The following MGAT4C variants were observed in gnomAD, a reference collection of about 807,000 sequenced individuals.
MGAT4C encodes MGAT4 family member C.
In MGAT4C, 19 loss-of-function variants were observed where a neutral mutation model predicts 40.1. The observed-to-expected ratio is 0.47, with a 90% CI of 0.33 to 0.70. MGAT4C has a LOEUF of 0.70. Ranked by LOEUF, MGAT4C falls within the 30% of genes least tolerant of loss-of-function variation. The pLI is 0.02. For synonymous variants in MGAT4C, 181 were observed against 187.1 expected (o/e 0.97, Z 0.27); for missense variants, 491 against 563.2 (o/e 0.87, Z 1.30).
intron 3 of MGAT4C, among the ~76,000 whole-genome samples, chr12:86,366,062 T>C (rs1028237831): frequency 1.3e-5 from 2 of 152,218 alleles, no homozygotes; most frequent in Non-Finnish European, 2.9e-5. Context: ...CTATGATTTC[T>C]TTCAGCAGTG....
At chr12:86,288,730 T>C (rs1257334502) in intron 4 of MGAT4C, among the ~76,000 whole-genome samples, 2 of 152,160 alleles carry the variant, frequency 1.3e-5, no homozygotes, top group Admixed American at 1.3e-4. Flanking sequence ...AAAGTGTCTG[T>C]TCATGTTCTT....
At chr12:86,782,693 G>A (rs1407136244) in intron 1 of MGAT4C, among the ~76,000 whole-genome samples, 3 of 151,930 alleles carry the variant, frequency 2.0e-5, no homozygotes, top group Admixed American at 1.3e-4. Context: ...AGATAATTAT[G>A]GTTAATGAGA....
intron 3 of MGAT4C, among the ~76,000 whole-genome samples, chr12:86,355,067 G>T (rs988164616): frequency 1.3e-5 from 2 of 152,164 alleles, no homozygotes; most frequent in African/African-American, 4.8e-5. Context: ...GAAACGTCTA[G>T]CTAGCTACAG....
intron 1 of MGAT4C, among the ~76,000 whole-genome samples, chr12:86,079,310 G>A (rs1870387102): frequency 6.6e-6 from 1 of 152,172 alleles, no homozygotes; most frequent in Non-Finnish European, 1.5e-5. Context: ...GTATCTCTTA[G>A]AGTTGTAAAG....
intron 1 of MGAT4C, among the ~76,000 whole-genome samples, chr12:86,728,430 C>G (rs1445068132): frequency 1.3e-5 from 2 of 152,326 alleles, no homozygotes; most frequent in African/African-American, 2.4e-5. Flanking sequence ...GTGGCTCACG[C>G]CTGTAATCCC....
chr12:86,327,211 T>C (rs1347654080), intron 4 of MGAT4C, among the ~76,000 whole-genome samples: 1 of 152,174 alleles, frequency 6.6e-6, no homozygotes, highest in Non-Finnish European at 1.5e-5. Context: ...CACTATATTA[T>C]AGTCCTGTGA....
chr12:85,996,537 T>A (rs957127700), intron 2 of MGAT4C, among the ~76,000 whole-genome samples: 2 of 152,142 alleles, frequency 1.3e-5, no homozygotes, highest in Non-Finnish European at 2.9e-5. Flanking sequence ...ACAACTGATA[T>A]AGCTATCTAC....
At chr12:86,719,599 C>A (rs1950705060) in intron 2 of MGAT4C, among the ~76,000 whole-genome samples, 1 of 152,124 alleles carries the variant, frequency 6.6e-6, no homozygotes, top group Admixed American at 6.5e-5. Context: ...CCTCTTTGGT[C>A]TGCCTTCTGG....
intron 3 of MGAT4C, among the ~76,000 whole-genome samples, chr12:86,414,941 G>C (rs1335645389): frequency 6.6e-6 from 1 of 152,074 alleles, no homozygotes; most frequent in Non-Finnish European, 1.5e-5. Context: ...ATGTGTGACT[G>C]AGCACTATTT....
intron 1 of MGAT4C, among the ~76,000 whole-genome samples, chr12:86,191,706 A>G (rs2135903507): frequency 7.0e-6 from 1 of 143,414 alleles, no homozygotes; most frequent in Admixed American, 6.9e-5. Flanking sequence ...TCAGCTACTT[A>G]CAGGATAAGA....
intron 1 of MGAT4C, among the ~76,000 whole-genome samples, chr12:86,176,420 T>A (rs1045571493): frequency 6.6e-6 from 1 of 152,044 alleles, no homozygotes; most frequent in Non-Finnish European, 1.5e-5. Context: ...TGTAAGGGAG[T>A]CCCTGTGCAT....
chr12:86,184,587 A>G (rs1160277469), intron 1 of MGAT4C, among the ~76,000 whole-genome samples: 2 of 151,606 alleles, frequency 1.3e-5, no homozygotes, highest in Admixed American at 6.6e-5. Context: ...AGTCAACTGG[A>G]TATACATTAC....
At chr12:86,675,793 C>T (rs933267859) in intron 2 of MGAT4C, among the ~76,000 whole-genome samples, 1 of 151,758 alleles carries the variant, frequency 6.6e-6, no homozygotes, top group Non-Finnish European at 1.5e-5. Flanking sequence ...TGGAGATATC[C>T]ATCACCTTAA....
At chr12:86,022,810 G>A (rs1413300579) in intron 2 of MGAT4C, among the ~76,000 whole-genome samples, 1 of 152,118 alleles carries the variant, frequency 6.6e-6, no homozygotes, top group Non-Finnish European at 1.5e-5. Context: ...GAGGCATGAT[G>A]TTACAAAAAT....
chr12:86,445,152 A>T (rs1287057929), intron 2 of MGAT4C, among the ~76,000 whole-genome samples: 1 of 152,180 alleles, frequency 6.6e-6, no homozygotes, highest in Non-Finnish European at 1.5e-5. Flanking sequence ...ACACTTATCA[A>T]ATCTCACACT....
intron 1 of MGAT4C, among the ~76,000 whole-genome samples, chr12:86,747,865 C>G (rs546909886): frequency 6.6e-6 from 1 of 151,216 alleles, no homozygotes; most frequent in East Asian, 2.0e-4. Flanking sequence ...AAGGAATGAC[C>G]CAAAGTACTG....
At chr12:86,029,182 T>G (rs1460716850) in intron 2 of MGAT4C, among the ~76,000 whole-genome samples, 1 of 151,886 alleles carries the variant, frequency 6.6e-6, no homozygotes, top group South Asian at 2.1e-4. Context: ...TGTAAGAAGT[T>G]TACATCTTTC....
At chr12:86,191,533 G>C (rs571534223) in intron 1 of MGAT4C, among the ~76,000 whole-genome samples, 1 of 150,294 alleles carries the variant, frequency 6.7e-6, no homozygotes, top group African/African-American at 2.4e-5. Context: ...GGACAAAGTG[G>C]GTACAGAAAA....
rs542858216 is a variant in MGAT4C, at chr12:86,395,928, T to C, written c.-120+39229A>G. Among the ~76,000 whole-genome samples the C allele has an allele frequency of 3.3e-5, 5 of 152,284 alleles. No homozygotes were observed. The South Asian group carries it at 1.0e-3, about 32-fold the overall frequency. On this transcript the variant is annotated intron_variant, in intron 3 of 7. Coordinates refer to the MGAT4C transcript ENST00000548651. The stretch of plus-strand genomic sequence containing the variant: ...ATAATAATATGTGGAAATATAACCA[T>C]AATTTTACATTTTCTAAGCTGGATA...
Sources: allele counts gnomAD v4.1 joint callset (sites outside exome capture counted in the v4.1 genomes callset), GRCh38; gene constraint gnomAD v4.1.1; transcripts MANE v1.5; gene names NCBI Gene and HGNC (gene_info 2026-07-23, HGNC 2026-07-21).